The following RIGI variants were observed in gnomAD, a reference collection of about 807,000 sequenced individuals.
RIGI encodes the protein antiviral innate immune response receptor RIG-I.
At chr9:32,464,485 G>T in the RIGI span, among the ~76,000 whole-genome samples, 1 of 152,218 alleles carries the variant, frequency 6.6e-6, no homozygotes, top group South Asian at 2.1e-4. Context: ...TGCCTCCCGG[G>T]TTCACGCCAT....
the RIGI span, among the ~76,000 whole-genome samples, chr9:32,470,289 A>G: frequency 6.6e-6 from 1 of 152,188 alleles, no homozygotes; most frequent in Non-Finnish European, 1.5e-5. Context: ...ATTGTTCTAA[A>G]CCAGAAGTGG....
At chr9:32,497,078 A>G in the RIGI span, among the ~76,000 whole-genome samples, 63,098 of 151,970 alleles carry the variant, frequency 0.42, 13,600 homozygotes, top group South Asian at 0.51. Flanking sequence ...TTCTATTTCT[A>G]CAAAAAAAAT....
At chr9:32,474,015 G>A in the RIGI span, among the ~76,000 whole-genome samples, 1 of 152,042 alleles carries the variant, frequency 6.6e-6, no homozygotes, top group African/African-American at 2.4e-5. Context: ...GTGACAGACC[G>A]AGACTCCGTC....
At chr9:32,493,730 C>T in the RIGI span, 55 of 1,375,700 alleles carry the variant, frequency 4.0e-5, no homozygotes, top group Non-Finnish European at 5.3e-5. Context: ...ATAATTATTT[C>T]CCCCAATTTT....
chr9:32,497,599 T>C, the RIGI span, among the ~76,000 whole-genome samples: 1 of 152,080 alleles, frequency 6.6e-6, no homozygotes, highest in Admixed American at 6.6e-5. Flanking sequence ...TACAAAAAAT[T>C]AGCCAGGCAT....
the RIGI span, chr9:32,491,246 C>G: frequency 6.3e-7 from 1 of 1,592,076 alleles, no homozygotes; most frequent in Non-Finnish European, 8.5e-7. Context: ...AACAAGCCCC[C>G]ACACCAAATA....
At chr9:32,521,162 A>AAAAAAAAAAAAAAAAAAAAAT in the RIGI span, among the ~76,000 whole-genome samples, 2 of 147,914 alleles carry the variant, frequency 1.4e-5, no homozygotes, top group African/African-American at 2.5e-5. Flanking sequence ...AAAAAAAAAA[A>AAAAAAAAAAAAAAAAAAAAAT]CTTCACAGAA....
chr9:32,517,103 G>C, the RIGI span, among the ~76,000 whole-genome samples: 1 of 152,186 alleles, frequency 6.6e-6, no homozygotes, highest in Non-Finnish European at 1.5e-5. Flanking sequence ...CTTTTATGCC[G>C]CTGTTTTAAG....
chr9:32,486,241 C>A, the RIGI span, among the ~76,000 whole-genome samples: 28 of 152,034 alleles, frequency 1.8e-4, no homozygotes, highest in African/African-American at 6.7e-4. Context: ...CACTTGAGGT[C>A]AGGAATTCAA....
the RIGI span, chr9:32,480,072 T>G: frequency 1.4e-6 from 1 of 739,560 alleles, no homozygotes; most frequent in Non-Finnish European, 2.1e-6. Flanking sequence ...TGAAGCTAAA[T>G]AGTCCTACCA....
the RIGI span, chr9:32,485,116 G>A: frequency 7.9e-7 from 1 of 1,260,546 alleles, no homozygotes; most frequent in Non-Finnish European, 1.1e-6. Context: ...AAAGACGATA[G>A]TGAACAATAA....
At chr9:32,496,467 G>A in the RIGI span, among the ~76,000 whole-genome samples, 1 of 152,170 alleles carries the variant, frequency 6.6e-6, no homozygotes, top group Non-Finnish European at 1.5e-5. Context: ...AGAACAAAAA[G>A]GGAGAAGAAG....
chr9:32,483,035 T>C, the RIGI span, among the ~76,000 whole-genome samples: 3 of 152,060 alleles, frequency 2.0e-5, no homozygotes, highest in Non-Finnish European at 1.5e-5. Flanking sequence ...TAAGCCTCAG[T>C]TGCTTGGTTC....
At chr9:32,467,687 G>A in the RIGI span, 1 of 1,403,780 alleles carries the variant, frequency 7.1e-7, no homozygotes, top group African/African-American at 1.4e-5. Flanking sequence ...TAAAGAGAAA[G>A]GCCAGAATGA....
At chr9:32,456,816 C>G in the RIGI span, 1 of 221,400 alleles carries the variant, frequency 4.5e-6, no homozygotes, top group Admixed American at 5.2e-5. Context: ...TCCATTCATT[C>G]ATCTATCCCA....
chr9:32,521,883 G>A, the RIGI span, among the ~76,000 whole-genome samples: 1 of 152,056 alleles, frequency 6.6e-6, no homozygotes, highest in Admixed American at 6.6e-5. Flanking sequence ...TGTCTTTATG[G>A]CTCTCCTAAG....
the RIGI span, among the ~76,000 whole-genome samples, chr9:32,458,453 G>A: frequency 1.3e-5 from 2 of 152,122 alleles, no homozygotes; most frequent in East Asian, 3.8e-4. Flanking sequence ...TTGTTTTTCT[G>A]TAGCAAGGTA....
At chr9:32,472,878 ATATATAT>A in the RIGI span, 8 of 576,436 alleles carry the variant, frequency 1.4e-5, no homozygotes, top group African/African-American at 4.0e-5. Flanking sequence ...AGAATTTGAA[ATATATAT>A]TATATATATA....
chr9:32,500,919 C>G, the RIGI span: 1 of 1,614,028 alleles, frequency 6.2e-7, no homozygotes, highest in South Asian at 1.1e-5. Context: ...TTTTTCTCAG[C>G]CTGAATATAC....
Sources: allele counts gnomAD v4.1 joint callset (sites outside exome capture counted in the v4.1 genomes callset), GRCh38; gene constraint gnomAD v4.1.1; transcripts MANE v1.5; gene names NCBI Gene and HGNC (gene_info 2026-07-23, HGNC 2026-07-21).